The following AKAP19 variants were observed in gnomAD, a reference collection of about 807,000 sequenced individuals.
AKAP19 encodes A-kinase anchoring protein 19, also known as small A-kinase anchoring protein.
At chr2:190,181,039 G>T in the AKAP19 span, 11 of 985,454 alleles carry the variant, frequency 1.1e-5, no homozygotes, top group Non-Finnish European at 1.1e-5. Context: ...GGGCCTGAGC[G>T]CAGGCTGCCT....
the AKAP19 span, among the ~76,000 whole-genome samples, chr2:190,133,668 G>A: frequency 6.6e-6 from 1 of 152,156 alleles, no homozygotes; most frequent in Non-Finnish European, 1.5e-5. Flanking sequence ...CTTAAAAAAG[G>A]GAGTCTTGCC....
At chr2:189,905,689 C>T in the AKAP19 span, among the ~76,000 whole-genome samples, 1 of 152,024 alleles carries the variant, frequency 6.6e-6, no homozygotes, top group Non-Finnish European at 1.5e-5. Flanking sequence ...TCCAAGCTCT[C>T]ATTAGCAGTA....
chr2:189,963,199 C>CTTTTTTTT, the AKAP19 span, among the ~76,000 whole-genome samples: 14 of 136,842 alleles, frequency 1.0e-4, 1 homozygote, highest in African/African-American at 2.3e-4. Context: ...CTTCACTTCT[C>CTTTTTTTT]TTTTTTTTTT....
At chr2:189,918,786 G>T in the AKAP19 span, among the ~76,000 whole-genome samples, 3 of 152,140 alleles carry the variant, frequency 2.0e-5, no homozygotes, top group South Asian at 2.1e-4. Context: ...GTCCACAAAT[G>T]TAGTATATCT....
At chr2:190,112,940 T>A in the AKAP19 span, among the ~76,000 whole-genome samples, 24 of 152,250 alleles carry the variant, frequency 1.6e-4, no homozygotes, top group South Asian at 8.3e-4. Flanking sequence ...GGTCTTTTTT[T>A]TTATTATTAA....
At chr2:189,904,572 C>T in the AKAP19 span, among the ~76,000 whole-genome samples, 2 of 151,954 alleles carry the variant, frequency 1.3e-5, no homozygotes, top group East Asian at 1.9e-4. Context: ...TCATCATTAT[C>T]GTTTTGAGGA....
chr2:189,996,446 G>A, the AKAP19 span, among the ~76,000 whole-genome samples: 2 of 151,802 alleles, frequency 1.3e-5, no homozygotes, highest in South Asian at 2.1e-4. Flanking sequence ...AGTTGTGATT[G>A]TTTTTTCTTC....
the AKAP19 span, among the ~76,000 whole-genome samples, chr2:189,969,943 G>C: frequency 7.2e-6 from 1 of 139,294 alleles, no homozygotes; most frequent in Admixed American, 7.6e-5. Flanking sequence ...CACAATCTCA[G>C]CTCACTGCAG....
At chr2:190,178,261 C>T in the AKAP19 span, among the ~76,000 whole-genome samples, 8 of 152,334 alleles carry the variant, frequency 5.3e-5, no homozygotes, top group Admixed American at 1.3e-4. The surrounding 1 kb of genome is among the most constrained non-coding windows in gnomAD (Gnocchi z 6.3). Context: ...GTTCCCTCGA[C>T]GCATCTTCCC....
chr2:190,158,564 T>C, the AKAP19 span, among the ~76,000 whole-genome samples: 1 of 152,254 alleles, frequency 6.6e-6, no homozygotes, highest in Non-Finnish European at 1.5e-5. Context: ...CTTACATTAC[T>C]TTTAATGATA....
the AKAP19 span, among the ~76,000 whole-genome samples, chr2:190,090,625 C>T: frequency 1.4e-4 from 22 of 152,162 alleles, no homozygotes; most frequent in African/African-American, 5.1e-4. Context: ...TAACTGATCA[C>T]GTGTCTTTGA....
chr2:190,003,344 A>T, the AKAP19 span, among the ~76,000 whole-genome samples: 8 of 152,024 alleles, frequency 5.3e-5, no homozygotes, highest in Non-Finnish European at 8.8e-5. Flanking sequence ...TACTTATATC[A>T]TTCTAATTTA....
the AKAP19 span, among the ~76,000 whole-genome samples, chr2:190,151,813 C>T: frequency 6.6e-6 from 1 of 150,760 alleles, no homozygotes; most frequent in Non-Finnish European, 1.5e-5. Context: ...ACCAGCCTGG[C>T]CAACATAGTG....
At chr2:189,923,949 A>G in the AKAP19 span, 2 of 1,610,456 alleles carry the variant, frequency 1.2e-6, no homozygotes, top group Non-Finnish European at 1.7e-6. Flanking sequence ...GAAAAAATTG[A>G]AAAGGAACAG....
chr2:190,068,661 C>G, the AKAP19 span, among the ~76,000 whole-genome samples: 1 of 152,134 alleles, frequency 6.6e-6, no homozygotes, highest in South Asian at 2.1e-4. Context: ...AATAATTAAA[C>G]CACTAAATGA....
chr2:190,005,979 C>T, the AKAP19 span, among the ~76,000 whole-genome samples: 1 of 152,108 alleles, frequency 6.6e-6, no homozygotes, highest in South Asian at 2.1e-4. Flanking sequence ...TTTTTCTTTA[C>T]AATATATGCT....
At chr2:189,905,408 G>A in the AKAP19 span, among the ~76,000 whole-genome samples, 3 of 151,928 alleles carry the variant, frequency 2.0e-5, no homozygotes, top group African/African-American at 7.2e-5. Context: ...TATGTAGTTG[G>A]GACAAGTTTG....
chr2:189,961,166 G>A, the AKAP19 span, among the ~76,000 whole-genome samples: 1 of 152,182 alleles, frequency 6.6e-6, no homozygotes, highest in African/African-American at 2.4e-5. Context: ...CTTCATACCA[G>A]TTCCAGCCTT....
At chr2:190,003,695 C>T in the AKAP19 span, among the ~76,000 whole-genome samples, 1 of 152,092 alleles carries the variant, frequency 6.6e-6, no homozygotes, top group Non-Finnish European at 1.5e-5. Flanking sequence ...GAAACCCCGT[C>T]TTTACTAAAA....
Sources: gnomAD v4.1 joint callset for allele counts (sites outside exome capture counted in the v4.1 genomes callset) on GRCh38, gnomAD v4.1.1 for gene constraint, Gnocchi (gnomAD v3.1) non-coding constraint, MANE v1.5 for transcripts, NCBI Gene and HGNC (gene_info 2026-07-23, HGNC 2026-07-21) for gene names.